Variants in NSUN7 observed in about 807,000 individuals in gnomAD.
NSUN7 encodes NOP2/Sun RNA methyltransferase family member 7.
NSUN7 carries 39 observed loss-of-function variants against 58.5 expected under a neutral mutation model. That is an observed-to-expected ratio of 0.67 (90% CI 0.52 to 0.87). The LOEUF is 0.87. Ranked by LOEUF, NSUN7 falls within the 40% of genes least tolerant of loss-of-function variation. The pLI, the probability that NSUN7 is intolerant of heterozygous loss-of-function variation, is 0.00. For missense variants in NSUN7, 765 were observed against 844.1 expected (o/e 0.91, Z 1.16); for synonymous variants, 278 against 303.7 (o/e 0.92, Z 0.88).
chr4:40,768,278 T>C (rs1010531423), intron 4 of NSUN7, among the ~76,000 whole-genome samples: 2 of 151,234 alleles, frequency 1.3e-5, no homozygotes, highest in Admixed American at 6.6e-5. Context: ...CTCGGCTCAC[T>C]GCAACCTCCA....
In NSUN7 at chr4:40,776,184, G is replaced by A. The variant is rs746759353; in HGVS notation, c.961G>A (p.Val321Ile). 6.2e-7 allele frequency: 1 copy of A among 1,612,450 alleles called. No homozygotes were observed. The highest frequency in any genetic ancestry group is 8.5e-7 in the Non-Finnish European group (1 of 1,179,242). The change falls in exon 7 of 12, where the codon GTA (valine) becomes ATA (isoleucine). Residue 321 changes from valine to isoleucine, a missense_variant. Transcript: ENST00000381782. ...TTTAACAAATAATAATACCTCAAAA[G>A]TATTTGTGTGTGGAGTACAATCACA... ...SILTNNNTSK[V>I]FVCGVQSQAK...
At chr4:40,764,410 C>G (rs899841290) in intron 4 of NSUN7, among the ~76,000 whole-genome samples, 3 of 151,798 alleles carry the variant, frequency 2.0e-5, no homozygotes, top group Non-Finnish European at 2.9e-5. Context: ...AACATGAACT[C>G]ATCATTTTTT....
intron 7 of NSUN7, among the ~76,000 whole-genome samples, chr4:40,787,395 G>T (rs1386609093): frequency 6.6e-6 from 1 of 151,076 alleles, no homozygotes; most frequent in Non-Finnish European, 1.5e-5. Context: ...AATTTTAAAA[G>T]AAAATATAAT....
At chr4:40,782,359 T>C (rs1366433344) in intron 7 of NSUN7, among the ~76,000 whole-genome samples, 1 of 150,690 alleles carries the variant, frequency 6.6e-6, no homozygotes, top group African/African-American at 2.4e-5. Context: ...AGCTCAGGAG[T>C]TCAAGACCAG....
intron 9 of NSUN7, 32 bp from the exon 10 acceptor site, chr4:40,798,752 AGTT>A (rs1426260291): frequency 5.2e-6 from 6 of 1,159,766 alleles, no homozygotes; most frequent in Non-Finnish European, 7.7e-6. Context: ...TTGTTAATAT[AGTT>A]GTTACAGTCA....
In NSUN7 at chr4:40,791,214, A is replaced by G. The variant is rs1178818432; in HGVS notation, c.1180+469A>G. On this transcript the variant is annotated intron_variant, in intron 8 of 11. Transcript: ENST00000381782. ...ATCATTATCAGATTATTTCAAACTC[A>G]AAGGTGTCTTAATCGCTAGGATGTA... Among the ~76,000 whole-genome samples, 7 of 152,322 alleles carry G rather than the reference A, an allele frequency of 4.6e-5. No homozygotes were observed. In the East Asian group the frequency reaches 1.3e-3, roughly 29 times the overall value.
At chr4:40,751,870 T>G (rs904351578) in intron 2 of NSUN7, among the ~76,000 whole-genome samples, 18 of 152,078 alleles carry the variant, frequency 1.2e-4, no homozygotes, top group African/African-American at 4.3e-4. Flanking sequence ...GTGGCACATG[T>G]CTTTAGTCCC....
chr4:40,758,658 C>G (rs1469967474), intron 2 of NSUN7, among the ~76,000 whole-genome samples: 1 of 150,968 alleles, frequency 6.6e-6, no homozygotes, highest in African/African-American at 2.4e-5. Context: ...AAACCCATCT[C>G]TACAAAAAAT....
Position 40,775,014 on chromosome 4 carries a change from C to T in NSUN7, c.825+64C>T. 1 of 708,214 alleles carries T rather than the reference C, an allele frequency of 1.4e-6. No homozygotes were observed. The highest frequency in any genetic ancestry group is 2.3e-6 in the Non-Finnish European group (1 of 433,932). The allele number at this position is 708,214 out of a possible 1,614,324, so 43.9% of individuals were successfully genotyped here. A position where few individuals can be genotyped will look rare whatever the true frequency, so the allele number is the denominator to read the frequency against. On this transcript the variant is annotated intron_variant, in intron 6 of 11. Transcript: ENST00000381782. This position sits in a 1 kb window ranked among gnomAD's most constrained non-coding sequence, Gnocchi z 4.3. ...CCAACCTAGCCAAAGAACTTCTCCA[C>T]TTAAAAATAAAACCTAACACTGTTT...
At chr4:40,759,748 A>G (rs1415813422) in intron 2 of NSUN7, among the ~76,000 whole-genome samples, 1 of 152,198 alleles carries the variant, frequency 6.6e-6, no homozygotes, top group East Asian at 1.9e-4. Flanking sequence ...AATTCTAAAT[A>G]AAACATTAGC....
chr4:40,759,079 G>A (rs571040541), intron 2 of NSUN7, among the ~76,000 whole-genome samples: 1 of 152,170 alleles, frequency 6.6e-6, no homozygotes, highest in East Asian at 1.9e-4. Flanking sequence ...GGAGGCCGAG[G>A]TGGGCAGATC....
intron 4 of NSUN7, among the ~76,000 whole-genome samples, chr4:40,771,021 A>G (rs1741982901): frequency 6.6e-6 from 1 of 152,254 alleles, no homozygotes; most frequent in African/African-American, 2.4e-5. Context: ...ACTGCACTCC[A>G]GCCTGGTGAC....
At position 40,769,916 on chromosome 4, in the gene NSUN7, A is replaced by C. The variant is rs557208049; in HGVS notation, c.489-4349A>C. 5.3e-5 allele frequency among the ~76,000 whole-genome samples: 8 copies of C among 152,348 alleles called. No individual in the cohort carries two copies. In the East Asian group the frequency reaches 1.2e-3, roughly 22 times the overall value. On this transcript the variant is annotated intron_variant, in intron 4 of 11. Transcript: ENST00000381782. ...TGAAGATTATCTTTTGGCATTAAGA[A>C]AATGCAATCAAGGTCAGGCGTGGTG...
chr4:40,807,312 T>G (rs1743846950), intron 11 of NSUN7, 128 bp downstream of exon 11: 1 of 828,610 alleles, frequency 1.2e-6, no homozygotes, highest in African/African-American at 1.8e-5. Context: ...ACATTTCAGC[T>G]GAAGGGCAGG....
Position 40,775,065 on chromosome 4 carries a change from T to C in NSUN7, c.825+115T>C, listed in dbSNP as rs1742202363. The C allele has an allele frequency of 2.0e-6, 1 of 511,088 alleles. No individual in the cohort carries two copies. 31.7% of individuals were successfully genotyped at this position (511,088 alleles called of 1,614,324 possible). A position where few individuals can be genotyped will look rare whatever the true frequency, so the allele number is the denominator to read the frequency against. ...ATATTTTTATAGATTATCAGGGAGG[T>C]TTATAAGGCCTAATTGTCACCTTGA... On this transcript the variant is annotated intron_variant, in intron 6 of 11. Coordinates refer to ENST00000381782, the MANE Select transcript of NSUN7 (RefSeq NM_024677.6). The surrounding 1 kb of genome is among the most constrained non-coding windows in gnomAD (Gnocchi z 4.3).
intron 2 of NSUN7, among the ~76,000 whole-genome samples, chr4:40,757,535 T>TTA (rs1246460084): frequency 1.1e-3 from 164 of 144,300 alleles, no homozygotes; most frequent in South Asian, 4.3e-3. Context: ...AAAGGTAAAA[T>TTA]TATATATATA....
intron 10 of NSUN7, 43 bp from the exon 11 acceptor site, chr4:40,807,018 G>C: frequency 5.8e-6 from 9 of 1,539,294 alleles, no homozygotes; most frequent in Non-Finnish European, 7.9e-6. Flanking sequence ...TCTTGGCAAA[G>C]AAGCCATTCT....
chr4:40,786,768 C>G, intron 7 of NSUN7: 1 of 1,469,896 alleles, frequency 6.8e-7, no homozygotes, highest in Non-Finnish European at 9.1e-7. Flanking sequence ...CTGATTTTGA[C>G]AAATAGAAGA....
intron 10 of NSUN7, among the ~76,000 whole-genome samples, 169 bp downstream of exon 10, chr4:40,799,073 CTTTTTTTTTTTT>C (rs761448412): frequency 7.1e-4 from 54 of 76,248 alleles, no homozygotes; most frequent in African/African-American, 2.4e-3. Flanking sequence ...GGGCCTTTTT[CTTTTTTTTTTTT>C]TTTTTTTTTT....
Sources: gnomAD v4.1 joint callset for allele counts (sites outside exome capture counted in the v4.1 genomes callset) on GRCh38, gnomAD v4.1.1 for gene constraint, Gnocchi (gnomAD v3.1) non-coding constraint, MANE v1.5 for transcripts, NCBI Gene and HGNC (gene_info 2026-07-23, HGNC 2026-07-21) for gene names.